The following CPLANE1 variants were observed in gnomAD, a reference collection of about 807,000 sequenced individuals.
CPLANE1 encodes ciliogenesis and planar polarity effector 1.
Under a neutral mutation model 362.5 loss-of-function variants are expected in CPLANE1, and 263 were observed. The ratio of observed to expected loss-of-function variants is 0.73; its 90% CI spans 0.66 to 0.80. CPLANE1 has a LOEUF of 0.80. Among genes scored for constraint, CPLANE1 ranks in the 30% least tolerant of loss-of-function variants. The pLI, the probability that CPLANE1 is intolerant of heterozygous loss-of-function variation, is 0.00. For missense variants in CPLANE1, 3,461 were observed against 3,793.4 expected, an observed-to-expected ratio of 0.91 and a Z score of 2.30; for synonymous variants, 1,212 against 1,302.6, an observed-to-expected ratio of 0.93 and a Z score of 1.50.
intron 21 of CPLANE1, among the ~76,000 whole-genome samples, chr5:37,189,873 C>T (rs1785013641): frequency 6.6e-6 from 1 of 151,910 alleles, no homozygotes; most frequent in South Asian, 2.1e-4. Flanking sequence ...GTGGTGTGCA[C>T]CTGTAATCCC....
intron 16 of CPLANE1, chr5:37,210,147 A>G: frequency 9.5e-7 from 1 of 1,049,634 alleles, no homozygotes; most frequent in South Asian, 1.3e-5. Flanking sequence ...AGCCCTTGTT[A>G]TTCGGGAAAA....
At chr5:37,148,046 TA>T (rs1191154717) in intron 43 of CPLANE1, 134 bp downstream of exon 43, 1 of 305,910 alleles carries the variant, frequency 3.3e-6, no homozygotes, top group Non-Finnish European at 5.9e-6. Flanking sequence ...AATCCTAATC[TA>T]AAAACTGGGA....
chr5:37,219,014 C>T (rs558014981), intron 15 of CPLANE1, among the ~76,000 whole-genome samples: 9 of 151,146 alleles, frequency 6.0e-5, no homozygotes, highest in African/African-American at 2.2e-4. Flanking sequence ...AGTTAAATCA[C>T]GTAAGGACAA....
intron 25 of CPLANE1, among the ~76,000 whole-genome samples, chr5:37,184,475 TTAAGTC>T (rs1580515445): frequency 6.6e-6 from 1 of 152,036 alleles, no homozygotes; most frequent in South Asian, 2.1e-4. Flanking sequence ...CTCAAACTAT[TTAAGTC>T]TAAAGATTAC....
At chr5:37,110,561 C>T (rs1351287885) in intron 51 of CPLANE1, among the ~76,000 whole-genome samples, 1 of 152,148 alleles carries the variant, frequency 6.6e-6, no homozygotes, top group African/African-American at 2.4e-5. Flanking sequence ...AGTAGTTCCA[C>T]CTAGCCAGCC....
chr5:37,204,454 T>C (rs1343036331), intron 18 of CPLANE1, among the ~76,000 whole-genome samples: 2 of 152,208 alleles, frequency 1.3e-5, no homozygotes, highest in African/African-American at 4.8e-5. Flanking sequence ...TGAATCCATG[T>C]AATACATGTA....
intron 23 of CPLANE1, among the ~76,000 whole-genome samples, chr5:37,187,060 C>CAAAAAAAAAAAAAAAACAAAAA (rs1784241260): frequency 7.9e-5 from 4 of 50,396 alleles, no homozygotes; most frequent in African/African-American, 3.6e-4. Context: ...GACTCCGTCT[C>CAAAAAAAAAAAAAAAACAAAAA]AAAAAAAAAA....
chr5:37,140,913 C>A, intron 44 of CPLANE1: 1 of 982,488 alleles, frequency 1.0e-6, no homozygotes, highest in Non-Finnish European at 1.2e-6. Flanking sequence ...TTATGTGTGG[C>A]CCAAGACAAT....
intron 50 of CPLANE1, among the ~76,000 whole-genome samples, chr5:37,118,134 C>T (rs1345000526): frequency 6.6e-6 from 1 of 152,110 alleles, no homozygotes; most frequent in Non-Finnish European, 1.5e-5. Context: ...ATAGCTCACA[C>T]CTGTAATCCC....
intron 44 of CPLANE1, chr5:37,141,531 GCTT>G (rs763668107): frequency 2.0e-6 from 2 of 981,422 alleles, no homozygotes; most frequent in East Asian, 2.3e-4. Context: ...TTTAAAGTCA[GCTT>G]CTTAATAGGT....
intron 15 of CPLANE1, among the ~76,000 whole-genome samples, 166 bp from the exon 16 acceptor site, chr5:37,213,898 G>A (rs1325730610): frequency 6.6e-6 from 1 of 152,088 alleles, no homozygotes; most frequent in Non-Finnish European, 1.5e-5. Context: ...ACTTCTTAAA[G>A]ACAATAAAAC....
intron 15 of CPLANE1, 25 bp downstream of exon 15, chr5:37,221,299 C>T: frequency 1.2e-5 from 17 of 1,437,054 alleles, no homozygotes; most frequent in Non-Finnish European, 1.6e-5. Context: ...TTTAAAAATA[C>T]AAAGAAAGAA....
rs1378762982 is a variant in CPLANE1 at position 37,207,156 on chromosome 5, T to C, written c.2921-731A>G. Among the ~76,000 whole-genome samples the C allele has an allele frequency of 3.9e-5, 6 of 152,304 alleles. 1 individual carries two copies. The East Asian group carries it at 1.2e-3, about 29-fold the overall frequency. On this transcript the variant is annotated intron_variant, in intron 16 of 52. Transcript: ENST00000651892. ...GTAACTTGATAAAGCAACTTAAAAA[T>C]AGGATAAAAGAAATGTTATTAAAAA...
chr5:37,210,132 T>C, intron 16 of CPLANE1: 1 of 942,334 alleles, frequency 1.1e-6, no homozygotes, highest in Non-Finnish European at 1.7e-6. Context: ...TCAAGCAAAA[T>C]CTGAAGCCCT....
intron 26 of CPLANE1, 35 bp from the exon 27 acceptor site, chr5:37,181,040 T>C: frequency 6.5e-7 from 1 of 1,548,384 alleles, no homozygotes; most frequent in Non-Finnish European, 8.8e-7. Context: ...TAGTATTTAT[T>C]GAACCCTTTA....
intron 12 of CPLANE1, 48 bp from the exon 13 acceptor site, chr5:37,224,788 A>G (rs776324260): frequency 5.6e-5 from 74 of 1,327,828 alleles, no homozygotes; most frequent in Non-Finnish European, 7.5e-5. Flanking sequence ...CAGGCTAATG[A>G]TGAGTTTAGC....
intron 15 of CPLANE1, among the ~76,000 whole-genome samples, chr5:37,216,000 TTTTTTTGTA>T (rs1355530705): frequency 6.6e-6 from 1 of 151,668 alleles, no homozygotes; most frequent in African/African-American, 2.4e-5. Flanking sequence ...ACCGGCTAAT[TTTTTTTGTA>T]TTTTTTTGGT....
intron 47 of CPLANE1, among the ~76,000 whole-genome samples, chr5:37,123,033 TG>T (rs1429860871): frequency 6.6e-6 from 1 of 152,216 alleles, no homozygotes; most frequent in Non-Finnish European, 1.5e-5. Flanking sequence ...ACATTTTAGG[TG>T]GAAGCACCTA....
the CPLANE1 span, among the ~76,000 whole-genome samples, chr5:37,088,626 C>A: frequency 6.6e-6 from 1 of 152,190 alleles, no homozygotes; most frequent in Admixed American, 6.5e-5. Context: ...TAGGAGCAAG[C>A]CCCAGGCCCC....
Sources: allele counts gnomAD v4.1 joint callset (sites outside exome capture counted in the v4.1 genomes callset), GRCh38; gene constraint gnomAD v4.1.1; transcripts MANE v1.5; gene names NCBI Gene and HGNC (gene_info 2026-07-23, HGNC 2026-07-21).